The following KAZN variants were observed in gnomAD, a reference collection of about 807,000 sequenced individuals.
KAZN encodes kazrin.
A neutral mutation model predicts 87.4 loss-of-function variants in KAZN; 40 were observed. That is an observed-to-expected ratio of 0.46 (90% CI 0.36 to 0.60). KAZN has a LOEUF of 0.60. Ranked by LOEUF, KAZN falls within the 20% of genes least tolerant of loss-of-function variation. The pLI is 0.00. For missense variants in KAZN, 898 were observed against 1,073.9 expected, an observed-to-expected ratio of 0.84 and a Z score of 2.29; for synonymous variants, 466 against 458.3, an observed-to-expected ratio of 1.02 and a Z score of -0.22.
intron 2 of KAZN, among the ~76,000 whole-genome samples, chr1:14,329,578 C>T (rs1656699544): frequency 1.3e-5 from 2 of 152,162 alleles, no homozygotes; most frequent in African/African-American, 4.8e-5. Context: ...GAACTGGGAT[C>T]AGTGGGTGGG....
chr1:14,887,118 A>C (rs1205128719), intron 1 of KAZN, among the ~76,000 whole-genome samples: 1 of 152,240 alleles, frequency 6.6e-6, no homozygotes, highest in Non-Finnish European at 1.5e-5. Flanking sequence ...GCAGACGATC[A>C]ATAAATGCTA....
At chr1:14,802,279 C>T (rs578227466) in intron 1 of KAZN, among the ~76,000 whole-genome samples, 170 of 152,056 alleles carry the variant, frequency 1.1e-3, no homozygotes, top group Non-Finnish European at 1.5e-3. Flanking sequence ...TGGTTTGTGC[C>T]TGTAGTCCCA....
chr1:14,258,436 C>T (rs530852906), intron 2 of KAZN, among the ~76,000 whole-genome samples: 2 of 146,656 alleles, frequency 1.4e-5, no homozygotes, highest in East Asian at 2.0e-4. Flanking sequence ...GGGGTTTCAC[C>T]GTGTTAGCCA....
intron 1 of KAZN, among the ~76,000 whole-genome samples, chr1:14,627,228 A>G (rs1460498158): frequency 2.0e-5 from 3 of 151,732 alleles, no homozygotes; most frequent in African/African-American, 7.3e-5. Context: ...CAGCCATGGG[A>G]TGTCAGGGGG....
At chr1:14,927,523 G>A (rs918234525) in intron 1 of KAZN, among the ~76,000 whole-genome samples, 1 of 152,156 alleles carries the variant, frequency 6.6e-6, no homozygotes, top group Non-Finnish European at 1.5e-5. Context: ...GGTGGACAGA[G>A]GAGCACGTTC....
At chr1:14,324,511 G>A (rs1343568722) in intron 2 of KAZN, among the ~76,000 whole-genome samples, 2 of 152,178 alleles carry the variant, frequency 1.3e-5, no homozygotes, top group South Asian at 4.1e-4. Context: ...GGGGAGGCAA[G>A]GTGGTAAATG....
chr1:14,833,695 CG>C (rs1421406706), intron 1 of KAZN, among the ~76,000 whole-genome samples: 1 of 151,970 alleles, frequency 6.6e-6, no homozygotes, highest in African/African-American at 2.4e-5. Flanking sequence ...TACAGGTGCC[CG>C]GGGGAAAGCA....
chr1:14,125,931 C>T (rs4661473), intron 1 of KAZN, among the ~76,000 whole-genome samples: 2 of 141,514 alleles, frequency 1.4e-5, no homozygotes, highest in African/African-American at 2.6e-5. Context: ...CTGCAGCCTC[C>T]GTCAGTAAGG....
At chr1:15,067,002 T>C in intron 8 of KAZN, 3 of 985,484 alleles carry the variant, frequency 3.0e-6, no homozygotes, top group Non-Finnish European at 3.6e-6. Flanking sequence ...AGAGGTTGAG[T>C]TCAGGGCAAG....
chr1:13,923,715 G>A (rs543936707), intron 1 of KAZN, among the ~76,000 whole-genome samples: 5 of 152,150 alleles, frequency 3.3e-5, no homozygotes, highest in South Asian at 4.2e-4. Context: ...TCTTAGGGGC[G>A]GCAGAGGCAG....
chr1:14,757,052 G>A (rs1045849316), intron 1 of KAZN, among the ~76,000 whole-genome samples: 2 of 152,200 alleles, frequency 1.3e-5, no homozygotes, highest in Admixed American at 6.5e-5. Context: ...TCTGCCACAG[G>A]GTTGTGAAAC....
chr1:13,962,229 G>T (rs1356967324), intron 1 of KAZN, among the ~76,000 whole-genome samples: 1 of 152,186 alleles, frequency 6.6e-6, no homozygotes, highest in Non-Finnish European at 1.5e-5. Flanking sequence ...TGAGGAGGCA[G>T]ATGTGGCTAC....
chr1:14,263,321 T>G (rs1268364410), intron 2 of KAZN, among the ~76,000 whole-genome samples: 1 of 152,192 alleles, frequency 6.6e-6, no homozygotes, highest in Non-Finnish European at 1.5e-5. Context: ...AAAGATGATC[T>G]GGGTTTAAAT....
rs76896707 is a variant in KAZN, at chr1:13,990,449, C to G, written c.91+96693C>G. 9.8e-3 allele frequency among the ~76,000 whole-genome samples: 1,477 copies of G among 151,376 alleles called. 17 individuals are homozygous for G. Among genetic ancestry groups the G allele is most frequent in the African/African-American group, 0.032 (1,335 of 41,152 alleles). On this transcript the variant is annotated intron_variant, in intron 1 of 16. Coordinates refer to the KAZN transcript ENST00000636203. ...AAAGGAGAATATACTGTATAACTTT[C>G]CATTTATGAAATTCTGGACTAGTAA...
At chr1:14,651,635 A>G (rs965884944) in intron 1 of KAZN, among the ~76,000 whole-genome samples, 1 of 152,250 alleles carries the variant, frequency 6.6e-6, no homozygotes, top group African/African-American at 2.4e-5. Context: ...CTATGGAAGC[A>G]TTGTTGAAAA....
Position 15,094,781 on chromosome 1 carries a change from C to A in KAZN, c.1429-34C>A. 6.7e-7 allele frequency: 1 copy of A among 1,497,612 alleles called. No individual in the cohort carries two copies. Among genetic ancestry groups the A allele is most frequent in the South Asian group, 1.2e-5 (1 of 82,712 alleles). 92.8% of individuals were successfully genotyped at this position (1,497,612 alleles called of 1,614,324 possible). On this transcript the variant is annotated intron_variant, in intron 9 of 14. Transcript: ENST00000376030. The surrounding 1 kb of genome is among the most constrained non-coding windows in gnomAD (Gnocchi z 4.5). ...GGCAGGAACCCCGCCGGCAGCTGTCCCAGCCCCCATATGACACTCCCTCCC... is the reference window on the plus strand; with the variant it reads ...GGCAGGAACCCCGCCGGCAGCTGTCACAGCCCCCATATGACACTCCCTCCC...
At chr1:14,868,753 G>C (rs551311557) in intron 1 of KAZN, among the ~76,000 whole-genome samples, 2 of 151,840 alleles carry the variant, frequency 1.3e-5, no homozygotes, top group African/African-American at 2.4e-5. Context: ...CTGGGGTGGG[G>C]GGATCTCTTG....
chr1:14,302,637 A>C (rs1654632280), intron 2 of KAZN, among the ~76,000 whole-genome samples: 1 of 152,220 alleles, frequency 6.6e-6, no homozygotes, highest in Non-Finnish European at 1.5e-5. Flanking sequence ...AATGGTGTGT[A>C]CAAGTGTCCA....
At chr1:14,888,879 G>A (rs1654404784) in intron 1 of KAZN, among the ~76,000 whole-genome samples, 1 of 152,172 alleles carries the variant, frequency 6.6e-6, no homozygotes, top group African/African-American at 2.4e-5. Flanking sequence ...CTGGAGTAAA[G>A]AGAAAATAAG....
Sources: gnomAD v4.1 joint callset for allele counts (sites outside exome capture counted in the v4.1 genomes callset) on GRCh38, gnomAD v4.1.1 for gene constraint, Gnocchi (gnomAD v3.1) non-coding constraint, MANE v1.5 for transcripts, NCBI Gene and HGNC (gene_info 2026-07-23, HGNC 2026-07-21) for gene names.